Variants in ATP10B observed in about 807,000 individuals in gnomAD.
ATP10B encodes phospholipid-transporting ATPase VB.
In ATP10B, 122 loss-of-function variants were observed where a neutral mutation model predicts 141.2. The ratio of observed to expected loss-of-function variants is 0.86; its 90% confidence interval spans 0.75 to 1.00. ATP10B has a LOEUF of 1.00. ATP10B is among the 50% of genes least tolerant of loss of function. The pLI, the probability that ATP10B is intolerant of heterozygous loss-of-function variation, is 0.00. For missense variants in ATP10B, 1,876 were observed against 1,825.3 expected (o/e 1.03, Z -0.51); for synonymous variants, 685 against 692.0 (o/e 0.99, Z 0.16).
intron 2 of ATP10B, among the ~76,000 whole-genome samples, chr5:160,755,278 G>A (rs1305764663): frequency 6.6e-6 from 1 of 152,146 alleles, no homozygotes; most frequent in South Asian, 2.1e-4. Context: ...TACAAGAACA[G>A]CAAGGGAAAT....
At chr5:160,789,536 G>C (rs1315170960) in intron 1 of ATP10B, among the ~76,000 whole-genome samples, 1 of 152,126 alleles carries the variant, frequency 6.6e-6, no homozygotes, top group African/African-American at 2.4e-5. Context: ...TAAAAATATG[G>C]TAGTAAAATC....
chr5:160,765,638 T>G lies in ATP10B; in HGVS notation c.-331+19921A>C, dbSNP rs529156722. On this transcript the variant is annotated intron_variant, in intron 2 of 25. Coordinates refer to ENST00000327245, the MANE Select transcript of ATP10B (RefSeq NM_025153.3). ...GAAGATAATATCAGAAAAACTCTTCTAGTCTTTGGCTTAGGCAAAAACTTC... is the reference window on the plus strand; with the variant it reads ...GAAGATAATATCAGAAAAACTCTTCGAGTCTTTGGCTTAGGCAAAAACTTC... 1.2e-4 allele frequency among the ~76,000 whole-genome samples: 19 copies of G among 152,282 alleles called. 1 individual carries two copies. In the East Asian group the frequency reaches 3.3e-3, roughly 26 times the overall value.
At chr5:160,759,970 G>A (rs147230491) in intron 2 of ATP10B, among the ~76,000 whole-genome samples, 7 of 152,278 alleles carry the variant, frequency 4.6e-5, no homozygotes, top group African/African-American at 7.2e-5. Context: ...AGCCATTACC[G>A]CAGAGGCAAC....
the ATP10B span, among the ~76,000 whole-genome samples, chr5:160,902,640 G>A: frequency 6.6e-6 from 1 of 152,224 alleles, no homozygotes; most frequent in Non-Finnish European, 1.5e-5. Context: ...TGAGAACTGA[G>A]CATGATAGAG....
chr5:160,809,842 T>G (rs1773028576), intron 1 of ATP10B, among the ~76,000 whole-genome samples: 1 of 152,146 alleles, frequency 6.6e-6, no homozygotes, highest in Admixed American at 6.6e-5. Flanking sequence ...GACTGAGAGA[T>G]TTTTTAGCTA....
At chr5:160,626,197 G>A (rs1470548536) in intron 13 of ATP10B, among the ~76,000 whole-genome samples, 1 of 152,206 alleles carries the variant, frequency 6.6e-6, no homozygotes, top group Non-Finnish European at 1.5e-5. Flanking sequence ...CATTTGTGGG[G>A]CCACCAGTTT....
chr5:160,722,986 T>C (rs1199570181), intron 2 of ATP10B, among the ~76,000 whole-genome samples: 1 of 152,182 alleles, frequency 6.6e-6, no homozygotes, highest in Non-Finnish European at 1.5e-5. Context: ...CTGATGGCTG[T>C]GTTTAGATAG....
At chr5:160,771,591 C>T (rs1343496580) in intron 2 of ATP10B, among the ~76,000 whole-genome samples, 1 of 152,136 alleles carries the variant, frequency 6.6e-6, no homozygotes, top group African/African-American at 2.4e-5. Context: ...TAGTGAGATG[C>T]TTACTATAGT....
At chr5:160,696,413 G>A (rs1344485251) in intron 3 of ATP10B, among the ~76,000 whole-genome samples, 1 of 152,068 alleles carries the variant, frequency 6.6e-6, no homozygotes. Context: ...CTGGCCAAAA[G>A]CTTCAATATT....
At chr5:160,894,722 G>A in the ATP10B span, among the ~76,000 whole-genome samples, 5 of 152,042 alleles carry the variant, frequency 3.3e-5, no homozygotes, top group Non-Finnish European at 5.9e-5. Context: ...GATATTCCTC[G>A]AGAAGAGCAA....
chr5:160,865,274 C>T, the ATP10B span, among the ~76,000 whole-genome samples: 1 of 152,010 alleles, frequency 6.6e-6, no homozygotes, highest in Non-Finnish European at 1.5e-5. Context: ...AACCCAAATA[C>T]TTACAACCAG....
intron 10 of ATP10B, among the ~76,000 whole-genome samples, chr5:160,639,632 C>T (rs778755060): frequency 1.3e-5 from 2 of 152,066 alleles, no homozygotes; most frequent in African/African-American, 2.4e-5. Flanking sequence ...CCAGAACTGC[C>T]GATGCCCTGA....
intron 10 of ATP10B, among the ~76,000 whole-genome samples, chr5:160,637,432 T>G (rs1043299803): frequency 1.3e-5 from 2 of 152,234 alleles, no homozygotes; most frequent in African/African-American, 4.8e-5. Flanking sequence ...CTTGTCATTG[T>G]GGAGTTTGCT....
At chr5:160,691,419 C>T (rs1764070900) in intron 3 of ATP10B, among the ~76,000 whole-genome samples, 1 of 152,042 alleles carries the variant, frequency 6.6e-6, no homozygotes, top group Non-Finnish European at 1.5e-5. Context: ...TTTAAATAAA[C>T]CCTACAAGCA....
intron 13 of ATP10B, among the ~76,000 whole-genome samples, chr5:160,625,382 A>G (rs532181611): frequency 1.3e-5 from 2 of 152,284 alleles, no homozygotes; most frequent in East Asian, 3.9e-4. Context: ...GATAAAAGGG[A>G]TTATGGAAAA....
At chr5:160,912,752 T>A in the ATP10B span, among the ~76,000 whole-genome samples, 165 of 151,526 alleles carry the variant, frequency 1.1e-3, no homozygotes, top group African/African-American at 3.7e-3. Context: ...GAAAGAAAGA[T>A]AGTTAAATTA....
At chr5:160,568,984 G>T (rs916985209) in intron 25 of ATP10B, among the ~76,000 whole-genome samples, 2 of 152,160 alleles carry the variant, frequency 1.3e-5, no homozygotes, top group Non-Finnish European at 2.9e-5. Context: ...GCAATTTCAT[G>T]CACAATTTGA....
chr5:160,752,012 A>G (rs1316839165), intron 2 of ATP10B, among the ~76,000 whole-genome samples: 1 of 152,182 alleles, frequency 6.6e-6, no homozygotes, highest in Non-Finnish European at 1.5e-5. Context: ...TAGGAGTTAA[A>G]GACGGCTGCG....
intron 3 of ATP10B, among the ~76,000 whole-genome samples, chr5:160,701,561 C>T (rs1290987478): frequency 1.3e-5 from 2 of 152,146 alleles, no homozygotes; most frequent in East Asian, 3.9e-4. Flanking sequence ...ACAAGGCAAT[C>T]ACCCTTCTAC....
Sources: allele counts gnomAD v4.1 joint callset (sites outside exome capture counted in the v4.1 genomes callset), GRCh38; gene constraint gnomAD v4.1.1; transcripts MANE v1.5; gene names NCBI Gene and HGNC (gene_info 2026-07-23, HGNC 2026-07-21).